ADA2: variants seen among roughly 807,000 people sequenced by gnomAD.
The protein encoded by ADA2 is adenosine deaminase 2, also known as adenosine deaminase CECR1.
In ADA2, 29 loss-of-function variants were observed where a neutral mutation model predicts 44.2. The observed-to-expected ratio is 0.66, with a 90% confidence interval of 0.49 to 0.89. The LOEUF is 0.89. Among genes scored for constraint, ADA2 ranks in the 40% least tolerant of loss-of-function variants. The pLI, the probability that ADA2 is intolerant of heterozygous loss-of-function variation, is 0.00. For missense variants in ADA2, 637 were observed against 644.8 expected, an observed-to-expected ratio of 0.99 and a Z score of 0.13; for synonymous variants, 215 against 234.9, an observed-to-expected ratio of 0.92 and a Z score of 0.77.
At chr22:17,216,349 A>C (rs951136448) in intron 1 of ADA2, among the ~76,000 whole-genome samples, 2 of 151,614 alleles carry the variant, frequency 1.3e-5, no homozygotes, top group Non-Finnish European at 2.9e-5. Context: ...TGGGTGACAG[A>C]GTGAAACCCT....
At chr22:17,197,683 T>C (rs139986554) in intron 4 of ADA2, among the ~76,000 whole-genome samples, 1 of 152,364 alleles carries the variant, frequency 6.6e-6, no homozygotes, top group African/African-American at 2.4e-5. Context: ...TAATCTCATT[T>C]AACCCTCAAA....
intron 3 of ADA2, among the ~76,000 whole-genome samples, chr22:17,206,160 A>G (rs2123706680): frequency 6.6e-6 from 1 of 152,202 alleles, no homozygotes; most frequent in Admixed American, 6.5e-5. Context: ...CATTTGCTAC[A>G]GCAATAGTGT....
At chr22:17,190,240 G>A (rs531916236) in intron 5 of ADA2, among the ~76,000 whole-genome samples, 1 of 152,320 alleles carries the variant, frequency 6.6e-6, no homozygotes, top group African/African-American at 2.4e-5. Flanking sequence ...TCTTATCAAA[G>A]ACCCTTGCTG....
intron 6 of ADA2, 107 bp downstream of exon 6, chr22:17,189,834 AC>A (rs2062092164): frequency 2.7e-6 from 2 of 742,608 alleles, no homozygotes; most frequent in Non-Finnish European, 4.7e-6. Context: ...ATGTCAGGGT[AC>A]CAACAGGCAC....
At chr22:17,207,780 C>G (rs144076278) in intron 2 of ADA2, among the ~76,000 whole-genome samples, 1 of 152,224 alleles carries the variant, frequency 6.6e-6, no homozygotes, top group African/African-American at 2.4e-5. Context: ...CTGGGATGAG[C>G]CCCAGGGCCA....
chr22:17,209,073 T>C (rs1435800804), intron 2 of ADA2, among the ~76,000 whole-genome samples: 4 of 152,038 alleles, frequency 2.6e-5, no homozygotes, highest in Admixed American at 2.6e-4. Context: ...TCACATTGTA[T>C]CCTATGTGGT....
intron 1 of ADA2, among the ~76,000 whole-genome samples, chr22:17,214,423 G>C (rs1308996765): frequency 3.3e-5 from 5 of 152,192 alleles, no homozygotes; most frequent in Admixed American, 1.3e-4. Flanking sequence ...TTATTCAGAG[G>C]TAAAGCCCAT....
intron 1 of ADA2, among the ~76,000 whole-genome samples, chr22:17,210,449 C>G (rs1380538941): frequency 6.6e-6 from 1 of 152,110 alleles, no homozygotes; most frequent in East Asian, 1.9e-4. Context: ...CTCAGTCTCC[C>G]AAAGTGCTGG....
intron 1 of ADA2, among the ~76,000 whole-genome samples, chr22:17,215,234 C>G (rs2062457915): frequency 6.6e-6 from 1 of 152,120 alleles, no homozygotes; most frequent in Admixed American, 6.6e-5. Context: ...CACAAGAAAG[C>G]AGAAGCCAGT....
chr22:17,199,440 T>TTCCCCTCCCTCCCCACCTCAATCCACA, intron 4 of ADA2: 1 of 1,027,942 alleles, frequency 9.7e-7, no homozygotes, highest in Non-Finnish European at 1.5e-6. Flanking sequence ...CTCTATCCTC[T>TTCCCCTCCCTCCCCACCTCAATCCACA]TCCCCTCCAC....
Position 17,209,591 on chromosome 22 carries a change from G to A in ADA2, c.87C>T (p.Ser29=), listed in dbSNP as rs755296963. The part of the protein sequence containing the change: ...VAMSFFGSAL[S]IDETRAHLLL... ...ACAGATGCGCCCGTGTTTCATCTAT[G>A]GATAGAGCTGAGCCGAAGAAAGACA... Residue 29 remains serine (S), a synonymous_variant, in exon 2 of 10, where the codon TCC becomes TCT. Transcript: ENST00000399837. The A allele has an allele frequency of 5.0e-6, 8 of 1,613,944 alleles. No homozygotes were observed. In the South Asian group the frequency reaches 7.7e-5, roughly 16 times the overall value.
Position 17,207,228 on chromosome 22 carries a change from T to G in ADA2, c.385A>C (p.Thr129Pro), listed in dbSNP as rs2062363804. 1.2e-6 allele frequency: 2 copies of G among 1,613,662 alleles called. No individual in the cohort carries two copies. The highest frequency in any genetic ancestry group is 1.7e-5 in the Admixed American group (1 of 60,004). The change falls in exon 3 of 10, where the codon ACC becomes CCC. Residue 129 changes from threonine (T) to proline (P), a missense_variant. Coordinates refer to ENST00000399837, the MANE Select transcript of ADA2 (RefSeq NM_001282225.2). ...CAGATGTGGCAGTGAGGCCTGTAGGTGACATTCCTCACCAGCCAGTCCATA... is the reference window on the plus strand; with the variant it reads ...CAGATGTGGCAGTGAGGCCTGTAGGGGACATTCCTCACCAGCCAGTCCATA... ...VTMDWLVRNV[T>P]YRPHCHICFT...
At chr22:17,188,756 G>A (rs2062072609) in intron 6 of ADA2, 1 of 172,270 alleles carries the variant, frequency 5.8e-6, no homozygotes, top group Non-Finnish European at 1.2e-5. Context: ...GCGGGTGCCT[G>A]TAGTCCCAGC....
In ADA2 at chr22:17,209,726, G is replaced by T; in HGVS notation, c.-46-3C>A. 1 of 1,450,384 alleles carries T rather than the reference G, an allele frequency of 6.9e-7. No individual in the cohort carries two copies. Among genetic ancestry groups the T allele is most frequent in the Non-Finnish European group, 9.5e-7 (1 of 1,055,128 alleles). 89.8% of individuals were successfully genotyped at this position (1,450,384 alleles called of 1,614,324 possible). A position where few individuals can be genotyped will look rare whatever the true frequency, so the allele number is the denominator to read the frequency against. On this transcript the variant is annotated splice_polypyrimidine_tract_variant and splice_region_variant and intron_variant, in intron 1 of 9. Coordinates refer to ENST00000399837, the MANE Select transcript of ADA2 (RefSeq NM_001282225.2). Reference sequence around the variant, plus strand: ...GCTCAGATGGAGACTCCACGGGACTGCAAAGGAGAGTGGGGGAGTGAAAAC... The same window carrying T: ...GCTCAGATGGAGACTCCACGGGACTTCAAAGGAGAGTGGGGGAGTGAAAAC...
At position 17,182,679 on chromosome 22, in the gene ADA2, C is replaced by G. The variant is rs774504121; in HGVS notation, c.1164G>C (p.Leu388Phe). 9 of 1,614,022 alleles carry G rather than the reference C, an allele frequency of 5.6e-6. No homozygotes were observed. Among genetic ancestry groups the G allele is most frequent in the Non-Finnish European group, 7.6e-6 (9 of 1,180,024 alleles). Residue 388 changes from leucine to phenylalanine, a missense_variant, in exon 8 of 10, where the codon TTG becomes TTC. Transcript: ENST00000399837. ...AAGTCCTGACTGCGGGGTGTTTGCT[C>G]AAAGCAAATCCATGGCCGATTCTGG... ...NTTRIGHGFA[L>F]SKHPAVRTYS...
At chr22:17,210,122 C>T (rs2062403413) in intron 1 of ADA2, among the ~76,000 whole-genome samples, 2 of 151,822 alleles carry the variant, frequency 1.3e-5, no homozygotes, top group African/African-American at 4.8e-5. Context: ...GATCTCCTGA[C>T]CTCGTGATCT....
chr22:17,212,840 C>CGT (rs1568990910), intron 1 of ADA2, among the ~76,000 whole-genome samples: 1 of 151,032 alleles, frequency 6.6e-6, no homozygotes, highest in South Asian at 2.1e-4. Context: ...AATGCAGTAG[C>CGT]GTGAGTCCAC....
rs777906358 is a variant in ADA2, at chr22:17,188,329, G to T, written c.1081+10C>A. ...CCTCCGCTGCCTCTGCTCGCATCCC[G>T]CAGGCTCACCTGTTTCTCCGGCGTG... On this transcript the variant is annotated intron_variant, in intron 7 of 9. Transcript: ENST00000399837. 2 of 1,602,960 alleles carry T rather than the reference G, an allele frequency of 1.2e-6. No homozygotes were observed. Among genetic ancestry groups the T allele is most frequent in the Non-Finnish European group, 1.7e-6 (2 of 1,170,230 alleles).
chr22:17,191,680 C>T lies in ADA2; in HGVS notation c.881+3G>A. Reference sequence around the variant, plus strand: ...CGAGCTTTTCAGCAATATTCTCTCTCACCTGTGATCCGAATAAATGATTTT... The same window carrying T: ...CGAGCTTTTCAGCAATATTCTCTCTTACCTGTGATCCGAATAAATGATTTT... On this transcript the variant is annotated splice_donor_region_variant and intron_variant, in intron 5 of 9. Coordinates refer to ENST00000399837, the MANE Select transcript of ADA2 (RefSeq NM_001282225.2). 1 of 1,613,218 alleles carries T rather than the reference C, an allele frequency of 6.2e-7. No homozygotes were observed.
Sources: gnomAD v4.1 joint callset for allele counts (sites outside exome capture counted in the v4.1 genomes callset) on GRCh38, gnomAD v4.1.1 for gene constraint, MANE v1.5 for transcripts, NCBI Gene and HGNC (gene_info 2026-07-23, HGNC 2026-07-21) for gene names.